Variants in SLC47A2 observed in about 807,000 individuals in gnomAD.
The protein encoded by SLC47A2 is multidrug and toxin extrusion protein 2.
SLC47A2 carries 52 observed loss-of-function variants against 67.7 expected under a neutral mutation model. The ratio of observed to expected loss-of-function variants is 0.77; its 90% CI spans 0.61 to 0.97. The LOEUF (loss-of-function observed/expected upper bound fraction) is 0.97. Ranked by LOEUF, SLC47A2 falls within the 50% of genes least tolerant of loss-of-function variation. The pLI is 0.00. For synonymous variants in SLC47A2, 278 were observed against 292.9 expected (o/e 0.95, Z 0.52); for missense variants, 676 against 712.3 (o/e 0.95, Z 0.58).
intron 12 of SLC47A2, 112 bp downstream of exon 12, chr17:19,702,980 C>T (rs1324865644): frequency 1.6e-6 from 2 of 1,226,650 alleles, no homozygotes; most frequent in Non-Finnish European, 2.3e-6. Context: ...AGCCTGGGCT[C>T]TTCCTGCTTC....
intron 13 of SLC47A2, among the ~76,000 whole-genome samples, chr17:19,696,409 G>T (rs976438010): frequency 6.7e-6 from 1 of 149,324 alleles, no homozygotes; most frequent in Non-Finnish European, 1.5e-5. Context: ...TTGCAGTAAG[G>T]CCAGATTGCA....
At chr17:19,695,110 A>G (rs1272083657) in intron 13 of SLC47A2, among the ~76,000 whole-genome samples, 1 of 152,198 alleles carries the variant, frequency 6.6e-6, no homozygotes, top group Non-Finnish European at 1.5e-5. Flanking sequence ...TTGCAACTCA[A>G]AAGATACCAT....
At position 19,681,449 on chromosome 17, in the gene SLC47A2, C is replaced by G; in HGVS notation, c.1310G>C (p.Gly437Ala). 1 of 1,613,858 alleles carries G rather than the reference C, an allele frequency of 6.2e-7. No individual in the cohort carries two copies. The highest frequency in any genetic ancestry group is 1.1e-5 in the South Asian group (1 of 90,998). Reference sequence around the variant, plus strand: ...TGCCAGGAAGACACAGGCCAGCATGCCCAGCCAGAGGCCTGGAGGAGACAA... The same window carrying G: ...TGCCAGGAAGACACAGGCCAGCATGGCCAGCCAGAGGCCTGGAGGAGACAA... Reference protein sequence around the residue: ...VRMRIMGLWLGMLACVFLATA... With the variant: ...VRMRIMGLWLAMLACVFLATA... Residue 437 changes from glycine (G) to alanine (A), a missense_variant, in exon 15 of 17, where the codon GGC becomes GCC. Physicochemically the swap from Gly to Ala is moderately conservative, Grantham distance 60. Coordinates refer to ENST00000433844, the MANE Select transcript of SLC47A2 (RefSeq NM_001099646.3).
In SLC47A2 at chr17:19,708,730, A is replaced by G; in HGVS notation, c.517T>C (p.Tyr173His). The part of the protein sequence containing the change: ...VIFLYNLLAK[Y>H]LQNQKITWPQ... ...AAGACCTGTACCTGATTTTGCAAATATTTTGCCAGCAGATTGTAAAGAAAA... is the reference window on the plus strand; with the variant it reads ...AAGACCTGTACCTGATTTTGCAAATGTTTTGCCAGCAGATTGTAAAGAAAA... The change falls in exon 6 of 17, where the codon TAT becomes CAT. Residue 173 changes from tyrosine (Y) to histidine (H), a missense_variant. By Grantham distance (83) the Tyr-to-His change is moderately conservative (BLOSUM62 2). Transcript: ENST00000433844. 1.2e-6 allele frequency: 2 copies of G among 1,613,984 alleles called. No individual in the cohort carries two copies. The highest frequency in any genetic ancestry group is 1.7e-6 in the Non-Finnish European group (2 of 1,180,042).
At position 19,702,664 on chromosome 17, in the gene SLC47A2, C is replaced by G. The variant is rs1261508576; in HGVS notation, c.1105G>C (p.Ala369Pro). 6.2e-7 allele frequency: 1 copy of G among 1,614,012 alleles called. No individual in the cohort carries two copies. Among genetic ancestry groups the G allele is most frequent in the Non-Finnish European group, 8.5e-7 (1 of 1,179,980 alleles). ...ACCGGCAAGACCTGGCTCACCAGGG[C>G]AATGACATCTCTGCAGAAGAAATGA... is the stretch of plus-strand genomic sequence containing the variant. ...HIFTNDEDVIALVSQVLPVYS... is the reference protein window; with the variant it reads ...HIFTNDEDVIPLVSQVLPVYS... The change falls in exon 13 of 17, where the codon GCC becomes CCC. Residue 369 changes from alanine to proline, a missense_variant. By Grantham distance (27) the Ala-to-Pro change is conservative. Coordinates refer to ENST00000433844, the MANE Select transcript of SLC47A2 (RefSeq NM_001099646.3).
At position 19,707,782 on chromosome 17, in the gene SLC47A2, T is replaced by C; in HGVS notation, c.691A>G (p.Ile231Val). The change falls in exon 8 of 17, where the codon ATT becomes GTT. Residue 231 changes from isoleucine to valine, a missense_variant. Ile to Val is a conservative substitution (Grantham distance 29). Coordinates refer to ENST00000433844, the MANE Select transcript of SLC47A2 (RefSeq NM_001099646.3). ...FAQTVFLLLYIVLKKLHLETW... is the reference protein window; with the variant it reads ...FAQTVFLLLYVVLKKLHLETW... ...TCCAGGTGCAGCTTCTTCAGCACAA[T>C]GTAGAGAAGGAGGAAGACGGTCTGT... is the stretch of plus-strand genomic sequence containing the variant. The C allele has an allele frequency of 6.2e-7, 1 of 1,602,742 alleles. No homozygotes were observed. The highest frequency in any genetic ancestry group is 1.1e-5 in the South Asian group (1 of 88,742).
intron 15 of SLC47A2, among the ~76,000 whole-genome samples, chr17:19,680,670 C>T (rs920893737): frequency 4.6e-5 from 7 of 152,152 alleles, no homozygotes; most frequent in African/African-American, 1.7e-4. Context: ...GGCTGCCCTG[C>T]CCTGTTTAAA....
chr17:19,692,750 T>C (rs2152343884), intron 13 of SLC47A2, among the ~76,000 whole-genome samples: 1 of 152,268 alleles, frequency 6.6e-6, no homozygotes, highest in Middle Eastern at 3.4e-3. Flanking sequence ...TTACAAATGT[T>C]CCTCATGAAC....
intron 13 of SLC47A2, among the ~76,000 whole-genome samples, chr17:19,689,971 T>G (rs1876009524): frequency 6.6e-6 from 1 of 152,158 alleles, no homozygotes; most frequent in African/African-American, 2.4e-5. Flanking sequence ...AAAGCCATCC[T>G]GAGCAAAAAG....
intron 15 of SLC47A2, 29 bp downstream of exon 15, chr17:19,681,338 T>A (rs1174210329): frequency 1.9e-6 from 3 of 1,559,346 alleles, no homozygotes; most frequent in Non-Finnish European, 2.6e-6. Flanking sequence ...GCAGGGTGTC[T>A]TGTGGCCAGG....
intron 13 of SLC47A2, among the ~76,000 whole-genome samples, chr17:19,690,840 C>G (rs531810983): frequency 2.0e-5 from 3 of 151,866 alleles, no homozygotes; most frequent in Non-Finnish European, 4.4e-5. Context: ...CCCCCTTGGC[C>G]GGGCACGGTG....
intron 5 of SLC47A2, among the ~76,000 whole-genome samples, chr17:19,710,324 G>C (rs2086060319): frequency 6.6e-6 from 1 of 152,192 alleles, no homozygotes. Context: ...AATTAATGCA[G>C]AAAGGAGAGA....
intron 12 of SLC47A2, 29 bp from the exon 13 acceptor site, chr17:19,702,703 C>T (rs2085818752): frequency 1.2e-6 from 2 of 1,611,700 alleles, no homozygotes; most frequent in South Asian, 2.2e-5. Context: ...AGCATTAAGA[C>T]ACAGATGTAT....
At chr17:19,709,505 T>A (rs2086039967) in intron 5 of SLC47A2, among the ~76,000 whole-genome samples, 1 of 152,196 alleles carries the variant, frequency 6.6e-6, no homozygotes, top group Admixed American at 6.5e-5. Flanking sequence ...GCTCTGCCTC[T>A]TCTGAGATGT....
intron 13 of SLC47A2, among the ~76,000 whole-genome samples, chr17:19,687,629 A>G (rs1318552829): frequency 6.6e-6 from 1 of 152,150 alleles, no homozygotes; most frequent in Non-Finnish European, 1.5e-5. Flanking sequence ...AAAAAAGAGA[A>G]AAGATCCAGA....
chr17:19,683,215 T>C (rs1291803342), intron 13 of SLC47A2, among the ~76,000 whole-genome samples: 1 of 152,206 alleles, frequency 6.6e-6, no homozygotes, highest in Non-Finnish European at 1.5e-5. Flanking sequence ...GATGTTTTTG[T>C]TGTGACAACT....
In SLC47A2 at chr17:19,678,402, T is replaced by C. The variant is rs1251762876; in HGVS notation, c.*284A>G. On this transcript the variant is annotated 3_prime_UTR_variant, in exon 17 of 17. Transcript: ENST00000433844. The stretch of plus-strand genomic sequence containing the variant: ...CATTTGAAGCCATTTACATTATTAA[T>C]AATAGTGACAATCCCTGGACTCTGA... 7 of 424,882 alleles carry C rather than the reference T, an allele frequency of 1.6e-5. No homozygotes were observed. The highest frequency in any genetic ancestry group is 3.0e-5 in the Non-Finnish European group (7 of 233,966). 26.3% of individuals were successfully genotyped at this position (424,882 alleles called of 1,614,324 possible).
rs534912913 is a variant in SLC47A2, at chr17:19,681,558, A to G, written c.1277T>C (p.Val426Ala). Residue 426 changes from valine to alanine, a missense_variant, in exon 14 of 17, where the codon GTG (valine) becomes GCG (alanine). Coordinates refer to ENST00000433844, the MANE Select transcript of SLC47A2 (RefSeq NM_001099646.3). ...CATACCCATGATTCTCATTCTGACC[A>G]CAAAGGTCAGAAGGATGCCCAGTGG... ...GLPLGILLTF[V>A]VRMRIMGLWL... 7.4e-6 allele frequency: 12 copies of G among 1,614,154 alleles called. No homozygotes were observed. The South Asian group carries it at 1.3e-4, about 18-fold the overall frequency.
intron 13 of SLC47A2, among the ~76,000 whole-genome samples, chr17:19,701,200 G>A (rs531852111): frequency 6.7e-6 from 1 of 149,990 alleles, no homozygotes; most frequent in East Asian, 2.0e-4. Flanking sequence ...AGTATCCTAT[G>A]ACAAAAGCAA....
Sources: allele counts gnomAD v4.1 joint callset (sites outside exome capture counted in the v4.1 genomes callset), GRCh38; gene constraint gnomAD v4.1.1; transcripts MANE v1.5; gene names NCBI Gene and HGNC (gene_info 2026-07-23, HGNC 2026-07-21).